CHD1L: variants seen among roughly 807,000 people sequenced by gnomAD.
CHD1L encodes ATP-dependent chromatin remodeler CHD1L.
CHD1L carries 118 observed loss-of-function variants against 115.9 expected under a neutral mutation model. The observed-to-expected ratio is 1.02, with a 90% confidence interval of 0.88 to 1.19. The LOEUF (loss-of-function observed/expected upper bound fraction) is 1.19. Ranked by LOEUF, CHD1L falls within the 50% of genes most tolerant of loss-of-function variation. The probability of loss-of-function intolerance (pLI) is 0.00; values close to 1 mark genes in which losing one functional copy is unlikely to be tolerated. For missense variants in CHD1L, 1,179 were observed against 1,065.3 expected, an observed-to-expected ratio of 1.11 and a Z score of -1.49; for synonymous variants, 411 against 387.1, an observed-to-expected ratio of 1.06 and a Z score of -0.72.
chr1:147,249,921 G>T (rs1343226051), intron 1 of CHD1L, among the ~76,000 whole-genome samples: 3 of 152,010 alleles, frequency 2.0e-5, no homozygotes, highest in Admixed American at 6.5e-5. Flanking sequence ...TCTCTCTTCT[G>T]ATTGTAATCT....
At chr1:147,208,148 G>A in the CHD1L span, among the ~76,000 whole-genome samples, 1 of 141,218 alleles carries the variant, frequency 7.1e-6, no homozygotes, top group Non-Finnish European at 1.6e-5. Flanking sequence ...AGAAAGGTGA[G>A]TGTTATTTCT....
Position 147,267,416 on chromosome 1 carries a change from T to C in CHD1L, c.896-10T>C. ...CTCTTTCTGTCTCTCTCTTTTTTTT[T>C]AAATTTCAGATGCATTTGAAAATGA... On this transcript the variant is annotated splice_polypyrimidine_tract_variant and intron_variant, in intron 8 of 22. Transcript: ENST00000369258. The C allele has an allele frequency of 1.2e-6, 2 of 1,604,646 alleles. No individual in the cohort carries two copies. The highest frequency in any genetic ancestry group is 2.2e-5 in the South Asian group (2 of 90,056).
chr1:147,228,790 G>C, the CHD1L span, among the ~76,000 whole-genome samples: 1 of 152,096 alleles, frequency 6.6e-6, no homozygotes, highest in Admixed American at 6.5e-5. Flanking sequence ...ATGTGTTTTT[G>C]GCTGCATAAA....
At chr1:147,212,593 T>C in the CHD1L span, 3 of 1,501,248 alleles carry the variant, frequency 2.0e-6, no homozygotes, top group African/African-American at 1.4e-5. Context: ...ATATCATTTG[T>C]CAAGTCATTT....
intron 6 of CHD1L, among the ~76,000 whole-genome samples, chr1:147,263,536 A>C (rs1559779730): frequency 6.6e-6 from 1 of 151,856 alleles, no homozygotes; most frequent in Admixed American, 6.6e-5. Flanking sequence ...AGTTTAGAGA[A>C]TATCTTTTGC....
At chr1:147,205,320 A>G in the CHD1L span, among the ~76,000 whole-genome samples, 5,609 of 152,288 alleles carry the variant, frequency 0.037, 148 homozygotes, top group South Asian at 0.095. Context: ...GAGAAACTTG[A>G]TGGTATCTAT....
chr1:147,191,242 T>C, the CHD1L span, among the ~76,000 whole-genome samples: 1 of 152,058 alleles, frequency 6.6e-6, no homozygotes, highest in Admixed American at 6.5e-5. Context: ...AGTTCTAGAT[T>C]CCTGAGGAAT....
upstream of CHD1L, among the ~76,000 whole-genome samples, chr1:147,241,315 TTAAG>T (rs1255615182): frequency 4.6e-5 from 7 of 152,178 alleles, no homozygotes; most frequent in Admixed American, 4.6e-4. Context: ...CGTCTTTGCC[TTAAG>T]TAATGACATT....
chr1:147,277,926 G>A (rs1317432047), intron 14 of CHD1L, among the ~76,000 whole-genome samples: 1 of 152,138 alleles, frequency 6.6e-6, no homozygotes, highest in Non-Finnish European at 1.5e-5. Context: ...GGGGTCCAAT[G>A]AGGGGTATCT....
chr1:147,276,648 T>C (rs1156747639), intron 14 of CHD1L, among the ~76,000 whole-genome samples: 1 of 152,130 alleles, frequency 6.6e-6, no homozygotes, highest in Non-Finnish European at 1.5e-5. Flanking sequence ...TACTTCATAC[T>C]CAGAAGAGGG....
the CHD1L span, chr1:147,204,380 G>T: frequency 9.5e-7 from 1 of 1,057,278 alleles, no homozygotes; most frequent in Non-Finnish European, 1.5e-6. Flanking sequence ...ACGCATGCCT[G>T]AACAATAAGC....
intron 12 of CHD1L, among the ~76,000 whole-genome samples, chr1:147,275,096 C>A (rs1220523594): frequency 6.6e-6 from 1 of 152,160 alleles, no homozygotes; most frequent in Non-Finnish European, 1.5e-5. Flanking sequence ...AAGTATCCAC[C>A]TTGGCCACTT....
At chr1:147,241,475 C>G (rs587706082), upstream of CHD1L, among the ~76,000 whole-genome samples, 1 of 152,086 alleles carries the variant, frequency 6.6e-6, no homozygotes, top group Non-Finnish European at 1.5e-5. Flanking sequence ...ATAAAACGAC[C>G]CCACCCCTAT....
At chr1:147,229,145 C>T in the CHD1L span, among the ~76,000 whole-genome samples, 1 of 152,108 alleles carries the variant, frequency 6.6e-6, no homozygotes, top group African/African-American at 2.4e-5. Flanking sequence ...GGTTTTAGGT[C>T]TAACATGTAA....
intron 17 of CHD1L, 61 bp downstream of exon 17, chr1:147,285,548 A>G: frequency 6.9e-7 from 1 of 1,455,712 alleles, no homozygotes; most frequent in Non-Finnish European, 9.3e-7. Flanking sequence ...GTATAGTGAG[A>G]CCACAGTTGA....
the CHD1L span, chr1:147,205,082 G>A: frequency 1.6e-6 from 1 of 612,828 alleles, no homozygotes; most frequent in South Asian, 1.9e-5. Context: ...GCAAGTCCTG[G>A]AGCATAATGT....
intron 2 of CHD1L, among the ~76,000 whole-genome samples, chr1:147,253,729 C>A (rs781925865): frequency 2.0e-5 from 3 of 152,190 alleles, no homozygotes; most frequent in Non-Finnish European, 4.4e-5. Flanking sequence ...AACTTATGGG[C>A]TCAAGTGATC....
At chr1:147,228,694 T>A in the CHD1L span, among the ~76,000 whole-genome samples, 2 of 152,350 alleles carry the variant, frequency 1.3e-5, no homozygotes, top group South Asian at 4.1e-4. Flanking sequence ...TTTTTAATGA[T>A]CCCCATTCTA....
At chr1:147,222,247 A>G in the CHD1L span, among the ~76,000 whole-genome samples, 2 of 152,168 alleles carry the variant, frequency 1.3e-5, no homozygotes, top group Admixed American at 6.5e-5. Context: ...GTGCGTGTAT[A>G]ATTTCAGCTA....
Sources: gnomAD v4.1 joint callset for allele counts (sites outside exome capture counted in the v4.1 genomes callset) on GRCh38, gnomAD v4.1.1 for gene constraint, MANE v1.5 for transcripts, NCBI Gene and HGNC (gene_info 2026-07-23, HGNC 2026-07-21) for gene names.